CDH23: variants seen among roughly 807,000 people sequenced by gnomAD.
CDH23 encodes cadherin related 23.
In CDH23, 189 loss-of-function variants were observed where a neutral mutation model predicts 317.1. The observed-to-expected ratio is 0.60, with a 90% confidence interval of 0.53 to 0.67. The LOEUF (loss-of-function observed/expected upper bound fraction) is 0.67. CDH23 is among the 30% of genes least tolerant of loss of function. CDH23 has a pLI of 0.00. For missense variants in CDH23, 4,401 were observed against 4,592.4 expected, an observed-to-expected ratio of 0.96 and a Z score of 1.20; for synonymous variants, 1,839 against 1,876.8, an observed-to-expected ratio of 0.98 and a Z score of 0.52.
intron 3 of CDH23, among the ~76,000 whole-genome samples, chr10:71,468,008 A>T (rs1465305920): frequency 1.3e-5 from 2 of 152,232 alleles, no homozygotes; most frequent in South Asian, 4.1e-4. Flanking sequence ...GTGGGCAGAC[A>T]CTTAATTTCT....
intron 7 of CDH23, among the ~76,000 whole-genome samples, 162 bp from the exon 8 acceptor site, chr10:71,570,628 G>A (rs1381729004): frequency 6.6e-6 from 1 of 152,168 alleles, no homozygotes; most frequent in African/African-American, 2.4e-5. Flanking sequence ...CTTTTACTAA[G>A]CCCTTCCCTG....
At chr10:71,523,937 C>T (rs1854862142) in intron 6 of CDH23, among the ~76,000 whole-genome samples, 1 of 152,192 alleles carries the variant, frequency 6.6e-6, no homozygotes, top group African/African-American at 2.4e-5. Context: ...TCCCCAAGGG[C>T]ACTAGGCCAC....
rs891750807 is a variant in CDH23, at chr10:71,432,403, TTG to T, written c.-5-7413_-5-7412del. ...AGTGTGTGAGTTGTGTGGTGTGTGTTTGTGTGTGTGTGAGTGTGTGGGTGAGT... is the reference window on the plus strand; with the variant it reads ...AGTGTGTGAGTTGTGTGGTGTGTGTTTGTGTGTGTGAGTGTGTGGGTGAGT... On this transcript the variant is annotated intron_variant, in intron 1 of 69. Coordinates refer to ENST00000224721, the MANE Select transcript of CDH23 (RefSeq NM_022124.6). Among the ~76,000 whole-genome samples the T allele has an allele frequency of 1.8e-4, 13 of 71,072 alleles. No homozygotes were observed. In the South Asian group the frequency reaches 2.7e-3, roughly 15 times the overall value. 46.6% of individuals were successfully genotyped at this position (71,072 alleles called of 152,430 possible).
chr10:71,745,486 C>T (rs1839833643), intron 38 of CDH23, among the ~76,000 whole-genome samples: 1 of 152,134 alleles, frequency 6.6e-6, no homozygotes, highest in African/African-American at 2.4e-5. Flanking sequence ...GCCATAAGAG[C>T]TGCTCCCGCT....
intron 34 of CDH23, among the ~76,000 whole-genome samples, chr10:71,735,464 C>G (rs1283257435): frequency 6.6e-6 from 1 of 152,126 alleles, no homozygotes; most frequent in African/African-American, 2.4e-5. Context: ...GGCCAGCTAC[C>G]TGAGAGAGGT....
intron 1 of CDH23, among the ~76,000 whole-genome samples, chr10:71,433,107 C>G (rs936260759): frequency 2.1e-4 from 32 of 152,192 alleles, no homozygotes; most frequent in African/African-American, 7.2e-4. Context: ...AATGCAGAAA[C>G]TAGCTAGAAG....
Position 71,809,962 on chromosome 10 carries a change from G to A in CDH23, c.8865G>A (p.Gln2955=). The part of the protein sequence containing the change: ...IIGIYILRDD[Q]RVKIVINEIP... ...GCATCTACATCCTGAGGGACGACCA[G>A]CGCGTCAAGATCGTCATTAACGAGA... The change falls in exon 61 of 70, where the codon CAG becomes CAA. Residue 2955 remains glutamine, a synonymous_variant. Transcript: ENST00000224721. The A allele has an allele frequency of 6.2e-7, 1 of 1,612,316 alleles. No homozygotes were observed. Among genetic ancestry groups the A allele is most frequent in the South Asian group, 1.1e-5 (1 of 91,086 alleles).
chr10:71,543,035 T>C (rs551164248), intron 6 of CDH23, among the ~76,000 whole-genome samples: 2 of 152,318 alleles, frequency 1.3e-5, no homozygotes, highest in African/African-American at 4.8e-5. Context: ...GTTGCAGTGC[T>C]CTAAGGTCAT....
intron 3 of CDH23, among the ~76,000 whole-genome samples, chr10:71,504,419 A>G (rs976183529): frequency 1.3e-5 from 2 of 152,242 alleles, no homozygotes; most frequent in Admixed American, 6.5e-5. Flanking sequence ...ATAATATTCC[A>G]TTGGCTGTAT....
intron 6 of CDH23, among the ~76,000 whole-genome samples, chr10:71,550,123 C>G (rs1200460744): frequency 6.6e-6 from 1 of 152,148 alleles, no homozygotes; most frequent in Non-Finnish European, 1.5e-5. Flanking sequence ...AGGCCTTGAG[C>G]TCTCTACACT....
At position 71,459,085 on chromosome 10, in the gene CDH23, C is replaced by CTTTTTTTTTT. The variant is rs372627407; in HGVS notation, c.145+12699_145+12708dup. On this transcript the variant is annotated intron_variant, in intron 3 of 69. Transcript: ENST00000224721. The stretch of plus-strand genomic sequence containing the variant: ...ACAGGTGTGAGCCACCACACCTGGC[C>CTTTTTTTTTT]TTTTTTTTTTTTTTTTTTGTGAGAT... 5.6e-4 allele frequency among the ~76,000 whole-genome samples: 57 copies of CTTTTTTTTTT among 102,578 alleles called. 3 individuals carry two copies. The highest frequency in any genetic ancestry group is 8.8e-4 in the Non-Finnish European group (47 of 53,302). 67.3% of individuals were successfully genotyped at this position (102,578 alleles called of 152,430 possible).
chr10:71,723,767 T>A (rs1866675890), intron 28 of CDH23, among the ~76,000 whole-genome samples: 1 of 152,136 alleles, frequency 6.6e-6, no homozygotes. Context: ...AGTGCCATCT[T>A]TCACCTTCTC....
intron 9 of CDH23, among the ~76,000 whole-genome samples, chr10:71,607,690 C>T (rs1182737325): frequency 6.6e-6 from 1 of 152,124 alleles, no homozygotes; most frequent in East Asian, 1.9e-4. Context: ...ATTGCTTGGG[C>T]CCAGGAGTTG....
intron 9 of CDH23, among the ~76,000 whole-genome samples, chr10:71,612,491 T>C (rs1276803924): frequency 2.6e-5 from 4 of 152,164 alleles, no homozygotes; most frequent in African/African-American, 9.7e-5. Context: ...AGCACGTCAT[T>C]CAACAAGGGG....
At chr10:71,668,779 T>C (rs1037097939) in intron 14 of CDH23, among the ~76,000 whole-genome samples, 1 of 152,184 alleles carries the variant, frequency 6.6e-6, no homozygotes, top group Non-Finnish European at 1.5e-5. Flanking sequence ...AGTCCAAGCA[T>C]GTAGCAATTC....
At chr10:71,696,371 C>T (rs998473915) in intron 22 of CDH23, among the ~76,000 whole-genome samples, 2 of 152,206 alleles carry the variant, frequency 1.3e-5, no homozygotes, top group African/African-American at 2.4e-5. Flanking sequence ...CCCCTGAGGG[C>T]TTCTCAGGAA....
rs563391883 is a variant in CDH23, at chr10:71,427,993, G to A, written c.-5-11834G>A. On this transcript the variant is annotated intron_variant, in intron 1 of 69. Coordinates refer to ENST00000224721, the MANE Select transcript of CDH23 (RefSeq NM_022124.6). ...CTCCCAAAGTGCTGGAATTACAGGCGTGACCCACTGTGCCCGGCCCTATTG... is the reference window on the plus strand; with the variant it reads ...CTCCCAAAGTGCTGGAATTACAGGCATGACCCACTGTGCCCGGCCCTATTG... 1.4e-4 allele frequency among the ~76,000 whole-genome samples: 21 copies of A among 152,030 alleles called. No homozygotes were observed. The East Asian group carries it at 1.7e-3, about 13-fold the overall frequency.
At position 71,479,189 on chromosome 10, in the gene CDH23, G is replaced by A. The variant is rs139880599; in HGVS notation, c.146-30893G>A. On this transcript the variant is annotated intron_variant, in intron 3 of 69. Transcript: ENST00000224721. Reference sequence around the variant, plus strand: ...TAAAGGAGGCAGGATTCAAACCCAGGTTTGGCTGTCTCCCAAACTCATATC... The same window carrying A: ...TAAAGGAGGCAGGATTCAAACCCAGATTTGGCTGTCTCCCAAACTCATATC... 8.4e-4 allele frequency among the ~76,000 whole-genome samples: 128 copies of A among 152,232 alleles called. 1 individual carries two copies. The highest frequency in any genetic ancestry group is 2.8e-3 in the African/African-American group (118 of 41,514).
At chr10:71,514,409 T>C (rs954218252) in intron 6 of CDH23, among the ~76,000 whole-genome samples, 2 of 152,154 alleles carry the variant, frequency 1.3e-5, no homozygotes, top group African/African-American at 4.8e-5. Context: ...CAATCTTGGA[T>C]GTGAACTTTC....
Sources: allele counts gnomAD v4.1 joint callset (sites outside exome capture counted in the v4.1 genomes callset), GRCh38; gene constraint gnomAD v4.1.1; transcripts MANE v1.5; gene names NCBI Gene and HGNC (gene_info 2026-07-23, HGNC 2026-07-21).